MYBBP1A: variants seen among roughly 807,000 people sequenced by gnomAD.
MYBBP1A encodes myb-binding protein 1A.
A neutral mutation model predicts 136.3 loss-of-function variants in MYBBP1A; 147 were observed. That is an observed-to-expected ratio of 1.08 (90% CI 0.94 to 1.24). The LOEUF is 1.24. MYBBP1A is among the 50% of genes most tolerant of loss of function. The pLI is 0.00. For synonymous variants in MYBBP1A, 947 were observed against 735.8 expected (o/e 1.29, Z -4.65); for missense variants, 2,060 against 1,727.4 (o/e 1.19, Z -3.41).
rs1906608002 is a variant in MYBBP1A, at chr17:4,543,017, G to C, written c.2788C>G (p.Leu930Val). ...ALYHFNASLYLLRVLKGNTAE... is the reference protein window; with the variant it reads ...ALYHFNASLYVLRVLKGNTAE... ...GTGTTGCCCTTCAAGACCCGGAGCA[G>C]GTAGAGAGAGGCGTTGAAGTGGTAG... Residue 930 changes from leucine to valine, a missense_variant, in exon 20 of 26, where the codon CTG becomes GTG. Coordinates refer to ENST00000254718, the MANE Select transcript of MYBBP1A (RefSeq NM_014520.4). 2 of 1,613,948 alleles carry C rather than the reference G, an allele frequency of 1.2e-6. No homozygotes were observed. Among genetic ancestry groups the C allele is most frequent in the South Asian group, 1.1e-5 (1 of 91,088 alleles).
In MYBBP1A at chr17:4,552,943, C is replaced by T. The variant is rs949645015; in HGVS notation, c.562-317G>A. On this transcript the variant is annotated intron_variant, in intron 5 of 25. Transcript: ENST00000254718. This position sits in a 1 kb window ranked among gnomAD's most constrained non-coding sequence, Gnocchi z 4.7. ...CCGCCTCCCAGGTTGAAGCAATTCT[C>T]CTGCCTCAGGTGGGATTAAAGGTGT... Among the ~76,000 whole-genome samples the T allele has an allele frequency of 1.3e-5, 2 of 151,902 alleles. No individual in the cohort carries two copies. Among genetic ancestry groups the T allele is most frequent in the Admixed American group, 1.3e-4 (2 of 15,246 alleles).
chr17:4,549,086 G>C (rs556817660), intron 10 of MYBBP1A, among the ~76,000 whole-genome samples: 28 of 152,360 alleles, frequency 1.8e-4, no homozygotes, highest in Middle Eastern at 3.4e-3. Flanking sequence ...CCTCCCACGT[G>C]CAAAAGCTGC....
chr17:4,539,750 C>G lies in MYBBP1A; in HGVS notation c.3652G>C (p.Ala1218Pro). ...CCGTTTGCCTGGGCTGGGACCTTAG[C>G]CTTTGTCCTGTTCCTCTTCTTCCTG... ...MGRKKRNRTKAKVPAQANGTP... is the reference protein window; with the variant it reads ...MGRKKRNRTKPKVPAQANGTP... Residue 1218 changes from alanine (A) to proline (P), a missense_variant, in exon 26 of 26, where the codon GCT becomes CCT. By Grantham distance (27) the Ala-to-Pro change is conservative. Coordinates refer to ENST00000254718, the MANE Select transcript of MYBBP1A (RefSeq NM_014520.4). 6.2e-7 allele frequency: 1 copy of G among 1,613,304 alleles called. No individual in the cohort carries two copies. Among genetic ancestry groups the G allele is most frequent in the Non-Finnish European group, 8.5e-7 (1 of 1,179,962 alleles).
chr17:4,544,567 C>G lies in MYBBP1A; in HGVS notation c.2561G>C (p.Ser854Thr). The G allele has an allele frequency of 6.4e-7, 1 of 1,571,862 alleles. No individual in the cohort carries two copies. The highest frequency in any genetic ancestry group is 8.6e-7 in the Non-Finnish European group (1 of 1,159,092). The change falls in exon 19 of 26, where the codon AGC becomes ACC. Residue 854 changes from serine (S) to threonine (T), a missense_variant. Coordinates refer to ENST00000254718, the MANE Select transcript of MYBBP1A (RefSeq NM_014520.4). ...GCTGCGCAGGCTGCGCCGGATGATG[C>G]TCAGCAGCGGCTCCAGCAGCTCCAG... Reference protein sequence around the residue: ...LVLELLEPLLSIIRRSLRSSS... With the variant: ...LVLELLEPLLTIIRRSLRSSS...
chr17:4,541,726 CG>C (rs1906451661), intron 23 of MYBBP1A, 57 bp downstream of exon 23: 1 of 1,517,966 alleles, frequency 6.6e-7, no homozygotes, highest in African/African-American at 1.4e-5. Context: ...TCCCAGAGAT[CG>C]GTCTCCCGGA....
At chr17:4,547,158 T>G (rs1265958349) in intron 13 of MYBBP1A, among the ~76,000 whole-genome samples, 1 of 152,118 alleles carries the variant, frequency 6.6e-6, no homozygotes, top group Non-Finnish European at 1.5e-5. Context: ...ATCACCTGCC[T>G]TGGTCTCCGG....
At chr17:4,550,729 G>A (rs983260802) in intron 8 of MYBBP1A, among the ~76,000 whole-genome samples, 1 of 152,264 alleles carries the variant, frequency 6.6e-6, no homozygotes, top group Non-Finnish European at 1.5e-5. Flanking sequence ...GTTAGGAGGC[G>A]AGACTGACCT....
chr17:4,550,076 T>C lies in MYBBP1A; in HGVS notation c.1301A>G (p.Gln434Arg). 6.8e-6 allele frequency: 11 copies of C among 1,613,158 alleles called. No homozygotes were observed. The highest frequency in any genetic ancestry group is 9.3e-6 in the Non-Finnish European group (11 of 1,179,380). The change falls in exon 9 of 26, where the codon CAG (glutamine) becomes CGG (arginine). Residue 434 changes from glutamine (Q) to arginine (R), a missense_variant. Gln to Arg is a conservative substitution (Grantham distance 43). Coordinates refer to ENST00000254718, the MANE Select transcript of MYBBP1A (RefSeq NM_014520.4). ...DFSTNNQKKA[Q>R]DSSLHMPERA... ...CACTCACATGTGGAGCGATGAATCC[T>C]GGGCTTTCTTCTGGTTGTTGGTGCT...
chr17:4,545,889 T>A lies in MYBBP1A; in HGVS notation c.1878A>T (p.Lys626Asn). ...TCCGGCGGGGCTTCTCTCCCAGACT[T>A]TTCCTGATGCAGGTCTGGATGTCAC... ...LLGDIQTCIR[K>N]SLGEKPRRSR... The change falls in exon 14 of 26, where the codon AAA (lysine) becomes AAT (asparagine). Residue 626 changes from lysine (K) to asparagine (N), a missense_variant. Coordinates refer to ENST00000254718, the MANE Select transcript of MYBBP1A (RefSeq NM_014520.4). 6.2e-7 allele frequency: 1 copy of A among 1,613,356 alleles called. No individual in the cohort carries two copies. The highest frequency in any genetic ancestry group is 8.5e-7 in the Non-Finnish European group (1 of 1,179,992).
Position 4,555,189 on chromosome 17 carries a change from C to T in MYBBP1A, c.136G>A (p.Glu46Lys), listed in dbSNP as rs779820877. 8.7e-6 allele frequency: 14 copies of T among 1,608,346 alleles called. No homozygotes were observed. The highest frequency in any genetic ancestry group is 4.0e-5 in the African/African-American group (3 of 74,888). ...GTGGCCGCAAGTCGCGTCTCCTGCTCAGGCTTCGCAATGTCCCAGAAGAAG... is the reference window on the plus strand; with the variant it reads ...GTGGCCGCAAGTCGCGTCTCCTGCTTAGGCTTCGCAATGTCCCAGAAGAAG... ...LDFFWDIAKPEQETRLAATEK... is the reference protein window; with the variant it reads ...LDFFWDIAKPKQETRLAATEK... The change falls in exon 1 of 26, where the codon GAG becomes AAG. Residue 46 changes from glutamate to lysine, a missense_variant. Transcript: ENST00000254718.
rs375894387 is a variant in MYBBP1A, at chr17:4,552,471, G to A, written c.717C>T (p.Phe239=). 2.5e-6 allele frequency: 4 copies of A among 1,613,418 alleles called. No individual in the cohort carries two copies. Among genetic ancestry groups the A allele is most frequent in the Non-Finnish European group, 3.4e-6 (4 of 1,180,032 alleles). ...CACACCTGGGGACATTCTCATCTGA[G>A]AATAGGTTCACGGATCCCACCAGCT... The part of the protein sequence containing the change: ...LKKLVGSVNL[F]SDENVPRLVN... The change falls in exon 6 of 26, where the codon TTC becomes TTT. Residue 239 remains phenylalanine, a synonymous_variant. Transcript: ENST00000254718. This position sits in a 1 kb window ranked among gnomAD's most constrained non-coding sequence, Gnocchi z 4.7.
rs571618093 is a variant in MYBBP1A at position 4,541,511 on chromosome 17, C to T, written c.3249G>A (p.Leu1083=). ...GAACGTTGAGCAGCTCCAGGGAGGA[C>T]AGTGCCTGCTGATGCTGCGCCTTGG... ...AQTKAQHQQA[L]SSLELLNVLF... The change falls in exon 24 of 26, where the codon CTG becomes CTA. Residue 1083 remains leucine, a synonymous_variant. Coordinates refer to ENST00000254718, the MANE Select transcript of MYBBP1A (RefSeq NM_014520.4). 55 of 1,613,568 alleles carry T rather than the reference C, an allele frequency of 3.4e-5. No individual in the cohort carries two copies. In the East Asian group the frequency reaches 9.8e-4, roughly 29 times the overall value.
At position 4,539,183 on chromosome 17, in the gene MYBBP1A, TC is replaced by T. The variant is rs1906092681; in HGVS notation, c.*231del. 6.9e-7 allele frequency: 1 copy of T among 1,450,288 alleles called. No homozygotes were observed. Among genetic ancestry groups the T allele is most frequent in the Non-Finnish European group, 9.0e-7 (1 of 1,111,018 alleles). 89.8% of individuals were successfully genotyped at this position (1,450,288 alleles called of 1,614,324 possible). On this transcript the variant is annotated 3_prime_UTR_variant, in exon 26 of 26. Transcript: ENST00000254718. ...CCTGGACATGGCCCTGGAGCCAGGG[TC>T]CCAGCCCAGAACCGGGGGTGGGGAG... is the stretch of plus-strand genomic sequence containing the variant.
rs1013491775 is a variant in MYBBP1A, at chr17:4,545,814, C to CA, written c.1921+31dup. 2.5e-6 allele frequency: 4 copies of CA among 1,610,952 alleles called. No homozygotes were observed. In the Admixed American group the frequency reaches 5.0e-5, roughly 20 times the overall value. ...TAGGGGACCGCTGGCCCCACCCCAC[C>CA]ACTCTAGTCCCTCTCGTGACCAAGG... On this transcript the variant is annotated intron_variant, in intron 14 of 25. Transcript: ENST00000254718.
chr17:4,542,669 G>A lies in MYBBP1A; in HGVS notation c.2965C>T (p.Arg989Cys), dbSNP rs151168491. 6.5e-5 allele frequency: 105 copies of A among 1,613,910 alleles called. No individual in the cohort carries two copies. Among genetic ancestry groups the A allele is most frequent in the South Asian group, 9.9e-5 (9 of 91,082 alleles). Residue 989 changes from arginine to cysteine, a missense_variant, in exon 21 of 26, where the codon CGC (arginine) becomes TGC (cysteine). Arg to Cys is a radical substitution (Grantham distance 180, BLOSUM62 -3). Coordinates refer to ENST00000254718, the MANE Select transcript of MYBBP1A (RefSeq NM_014520.4). ...STALSSFLTK[R>C]NSPLTVPMFL... ...ATGGGAACTGTGAGGGGGCTGTTGCGCTTGGTCAGGAAGGAGCTCAGTGCT... is the reference window on the plus strand; with the variant it reads ...ATGGGAACTGTGAGGGGGCTGTTGCACTTGGTCAGGAAGGAGCTCAGTGCT...
At chr17:4,543,428 T>G in intron 19 of MYBBP1A, 1 of 522,134 alleles carries the variant, frequency 1.9e-6, no homozygotes, top group East Asian at 3.0e-5. Flanking sequence ...GCCAACTGCC[T>G]GCCTGGGGCA....
rs1429730279 is a variant in MYBBP1A, at chr17:4,548,735, C to CA, written c.1431-87dup. ...TCCTTGGATGGTACCACCGAGGGTACAAGGCCAGGAGGAGGAGGAGCCGCC... is the reference window on the plus strand; with the variant it reads ...TCCTTGGATGGTACCACCGAGGGTACAAAGGCCAGGAGGAGGAGGAGCCGCC... On this transcript the variant is annotated intron_variant, in intron 10 of 25. Coordinates refer to ENST00000254718, the MANE Select transcript of MYBBP1A (RefSeq NM_014520.4). The surrounding 1 kb of genome is among the most constrained non-coding windows in gnomAD (Gnocchi z 4.2). 1.3e-6 allele frequency: 2 copies of CA among 1,570,206 alleles called. No homozygotes were observed. Among genetic ancestry groups the CA allele is most frequent in the East Asian group, 4.5e-5 (2 of 44,490 alleles).
rs569572615 is a variant in MYBBP1A at position 4,540,244 on chromosome 17, A to T, written c.3434+104T>A. On this transcript the variant is annotated intron_variant, in intron 25 of 25. Coordinates refer to ENST00000254718, the MANE Select transcript of MYBBP1A (RefSeq NM_014520.4). The stretch of plus-strand genomic sequence containing the variant: ...TGTGTGTGCAGCAGCATGCGTGTGC[A>T]GTGTGCGTGTGCAGCAGCGTGTGTG... 1.7e-5 allele frequency: 23 copies of T among 1,389,998 alleles called. No homozygotes were observed. In the South Asian group the frequency reaches 1.9e-4, roughly 11 times the overall value. 86.1% of individuals were successfully genotyped at this position (1,389,998 alleles called of 1,614,324 possible).
At position 4,552,619 on chromosome 17, in the gene MYBBP1A, T is replaced by C. The variant is rs1907628622; in HGVS notation, c.569A>G (p.Lys190Arg). ...CGGCAGGATCTCCTGCAATGTGGCC[T>C]TCGAGACCTAAGGATGGAGGGAGAA... ...ALVDILSEVS[K>R]ATLQEILPEV... is the part of the protein sequence containing the mutation. The change falls in exon 6 of 26, where the codon AAG becomes AGG. Residue 190 changes from lysine to arginine, a missense_variant. Lys to Arg is a conservative substitution (Grantham distance 26). Coordinates refer to ENST00000254718, the MANE Select transcript of MYBBP1A (RefSeq NM_014520.4). This position sits in a 1 kb window ranked among gnomAD's most constrained non-coding sequence, Gnocchi z 4.7. 7.4e-6 allele frequency: 12 copies of C among 1,612,978 alleles called. No homozygotes were observed. The highest frequency in any genetic ancestry group is 8.5e-6 in the Non-Finnish European group (10 of 1,179,528).
Sources: gnomAD v4.1 joint callset for allele counts (sites outside exome capture counted in the v4.1 genomes callset) on GRCh38, gnomAD v4.1.1 for gene constraint, Gnocchi (gnomAD v3.1) non-coding constraint, MANE v1.5 for transcripts, NCBI Gene and HGNC (gene_info 2026-07-23, HGNC 2026-07-21) for gene names.